MAP7: variants seen among roughly 807,000 people sequenced by gnomAD.
The protein encoded by MAP7 is ensconsin.
A neutral mutation model predicts 94.8 loss-of-function variants in MAP7; 52 were observed. The ratio of observed to expected loss-of-function variants is 0.55; its 90% CI spans 0.44 to 0.69. The LOEUF is 0.69. Ranked by LOEUF, MAP7 falls within the 30% of genes least tolerant of loss-of-function variation. The pLI is 0.00. For missense variants in MAP7, 940 were observed against 964.6 expected (o/e 0.97, Z 0.34); for synonymous variants, 350 against 357.0 (o/e 0.98, Z 0.22).
intron 1 of MAP7, among the ~76,000 whole-genome samples, chr6:136,457,470 G>A (rs185047843): frequency 1.8e-4 from 27 of 152,152 alleles, no homozygotes; most frequent in Non-Finnish European, 1.6e-4. Flanking sequence ...CTCAAATTAC[G>A]AAGCGGTGTT....
At chr6:136,516,264 G>T (rs1468220816) in intron 1 of MAP7, among the ~76,000 whole-genome samples, 1 of 151,972 alleles carries the variant, frequency 6.6e-6, no homozygotes, top group Non-Finnish European at 1.5e-5. Context: ...TGGGCTCAGG[G>T]GATTCTCCCA....
intron 1 of MAP7, among the ~76,000 whole-genome samples, chr6:136,437,434 T>C (rs1796671810): frequency 6.6e-6 from 1 of 152,192 alleles, no homozygotes; most frequent in East Asian, 1.9e-4. Context: ...TGCATAATTC[T>C]TTCCCTAGGG....
At chr6:136,503,682 T>C (rs534110383) in intron 1 of MAP7, among the ~76,000 whole-genome samples, 57 of 152,378 alleles carry the variant, frequency 3.7e-4, no homozygotes, top group Non-Finnish European at 6.0e-4. Context: ...ATGTTTAATT[T>C]TGCTAATTAA....
At chr6:136,511,516 GTAT>G (rs1157272381) in intron 1 of MAP7, among the ~76,000 whole-genome samples, 2 of 152,122 alleles carry the variant, frequency 1.3e-5, no homozygotes, top group Non-Finnish European at 2.9e-5. Context: ...TGCAGAGATA[GTAT>G]TATAAAAGAG....
chr6:136,473,256 C>A lies in MAP7; in HGVS notation c.68-51457G>T, dbSNP rs574976735. Among the ~76,000 whole-genome samples the A allele has an allele frequency of 5.9e-5, 9 of 152,296 alleles. No homozygotes were observed. In the East Asian group the frequency reaches 1.5e-3, roughly 26 times the overall value. On this transcript the variant is annotated intron_variant, in intron 1 of 17. Transcript: ENST00000354570. ...TTAACCTTCTCTAACAGCATTACTG[C>A]AGGAGGAGAGGGTTATCAGACTCAT... is the stretch of plus-strand genomic sequence containing the variant.
intron 2 of MAP7, among the ~76,000 whole-genome samples, chr6:136,415,085 G>C (rs1281120537): frequency 6.6e-6 from 1 of 151,982 alleles, no homozygotes; most frequent in African/African-American, 2.4e-5. Flanking sequence ...CATTACAAGC[G>C]TGAGCCACCA....
Position 136,363,481 on chromosome 6 carries a change from C to T in MAP7, c.1274-779G>A, listed in dbSNP as rs531994839. Among the ~76,000 whole-genome samples, 32 of 152,362 alleles carry T rather than the reference C, an allele frequency of 2.1e-4. No homozygotes were observed. The East Asian group carries it at 2.5e-3, about 12-fold the overall frequency. On this transcript the variant is annotated intron_variant, in intron 10 of 17. Coordinates refer to ENST00000354570, the MANE Select transcript of MAP7 (RefSeq NM_003980.6). ...TACTTCTGCTTCCACAGACTTTTCT[C>T]GGCCATCATGATGCTCTAGCCCTTC...
intron 16 of MAP7, among the ~76,000 whole-genome samples, chr6:136,351,236 TAAA>T (rs534706295): frequency 7.2e-4 from 86 of 120,236 alleles, no homozygotes; most frequent in African/African-American, 2.6e-3. Context: ...GTTTTGATGG[TAAA>T]AAAAAAAAAA....
At position 136,342,798 on chromosome 6, in the gene MAP7, T is replaced by G. The variant is rs1786810172; in HGVS notation, c.*1430A>C. On this transcript the variant is annotated 3_prime_UTR_variant, in exon 18 of 18. Transcript: ENST00000354570. ...TGTTGATTTAAACAAATTAAACAAG[T>G]TTGTTGAACAGATTTCTTTTCTAAT... 1 of 152,210 alleles carries G rather than the reference T, an allele frequency of 6.6e-6. No homozygotes were observed. Among genetic ancestry groups the G allele is most frequent in the South Asian group, 2.1e-4 (1 of 4,826 alleles). 9.4% of individuals were successfully genotyped at this position (152,210 alleles called of 1,614,324 possible).
At chr6:136,376,895 C>G (rs566567700) in intron 7 of MAP7, among the ~76,000 whole-genome samples, 1 of 152,220 alleles carries the variant, frequency 6.6e-6, no homozygotes. Flanking sequence ...CATGGAGAGG[C>G]TTGCAAGGGC....
rs1803062275 is a variant in MAP7 at position 136,456,767 on chromosome 6, G to GAAGAAGAAGAAGAA, written c.68-34969_68-34968insTTCTTCTTCTTCTT. 2.0e-3 allele frequency among the ~76,000 whole-genome samples: 124 copies of GAAGAAGAAGAAGAA among 60,588 alleles called. 5 individuals carry two copies. The highest frequency in any genetic ancestry group is 8.1e-3 in the African/African-American group (112 of 13,756). The allele number at this position is 60,588 out of a possible 152,430, so 39.7% of individuals were successfully genotyped here. A position where few individuals can be genotyped will look rare whatever the true frequency, so the allele number is the denominator to read the frequency against. On this transcript the variant is annotated intron_variant, in intron 1 of 17. Transcript: ENST00000354570. ...AGAAGGAGGAGGAGGAGGAGGAGGA[G>GAAGAAGAAGAAGAA]GAAGAAGAAGAAGAAGAAGAAGAAG... is the stretch of plus-strand genomic sequence containing the variant.
At chr6:136,394,490 T>G (rs968948388) in intron 3 of MAP7, among the ~76,000 whole-genome samples, 1 of 152,188 alleles carries the variant, frequency 6.6e-6, no homozygotes, top group African/African-American at 2.4e-5. Flanking sequence ...ATATGATATT[T>G]TGATATATGC....
Position 136,367,276 on chromosome 6 carries a change from T to C in MAP7, c.877-837A>G, listed in dbSNP as rs376839514. ...ATTGTACAGAGCAAAACAGACCCAT[T>C]CCAAGTATCTGAAACCTGACAATGC... On this transcript the variant is annotated intron_variant, in intron 8 of 17. Transcript: ENST00000354570. 1.0e-3 allele frequency among the ~76,000 whole-genome samples: 152 copies of C among 152,100 alleles called. 1 individual carries two copies. Among genetic ancestry groups the C allele is most frequent in the African/African-American group, 3.5e-3 (146 of 41,418 alleles).
intron 1 of MAP7, among the ~76,000 whole-genome samples, chr6:136,423,991 T>A (rs1228176717): frequency 3.3e-5 from 5 of 151,510 alleles, no homozygotes; most frequent in Admixed American, 6.6e-5. Context: ...AGAGACGGGG[T>A]TTCTCCATAT....
In MAP7 at chr6:136,389,363, C is replaced by T. The variant is rs375368305; in HGVS notation, c.399G>A (p.Glu133=). The change falls in exon 4 of 18, where the codon GAG becomes GAA. Residue 133 remains glutamate (E), a synonymous_variant. Coordinates refer to ENST00000354570, the MANE Select transcript of MAP7 (RefSeq NM_003980.6). ...CCGGGGGGCGGCTCACTTTGTCCTCCTCAAGTCTCTGCCTCCGCTTCTCCT... is the reference window on the plus strand; with the variant it reads ...CCGGGGGGCGGCTCACTTTGTCCTCTTCAAGTCTCTGCCTCCGCTTCTCCT... ...AVEEKRRQRL[E]EDKERHEAVV... The T allele has an allele frequency of 2.5e-4, 389 of 1,544,730 alleles. No homozygotes were observed. Among genetic ancestry groups the T allele is most frequent in the Admixed American group, 3.7e-4 (17 of 46,528 alleles).
At chr6:136,526,633 C>T in intron 1 of MAP7, 1 of 985,570 alleles carries the variant, frequency 1.0e-6, no homozygotes, top group Non-Finnish European at 1.2e-6. Flanking sequence ...GCAGCTCCCT[C>T]TTCCTCTCAG....
chr6:136,503,855 A>T (rs915768389), intron 1 of MAP7, among the ~76,000 whole-genome samples: 2 of 152,364 alleles, frequency 1.3e-5, no homozygotes, highest in Admixed American at 1.3e-4. Flanking sequence ...AATGCACAGC[A>T]CATACCACTT....
intron 1 of MAP7, among the ~76,000 whole-genome samples, chr6:136,527,792 A>C (rs1828118897): frequency 6.6e-6 from 1 of 152,208 alleles, no homozygotes; most frequent in Non-Finnish European, 1.5e-5. Flanking sequence ...CTTATTGTCC[A>C]GCATGGTGCT....
chr6:136,447,830 C>A (rs776020332), intron 1 of MAP7, among the ~76,000 whole-genome samples: 4 of 152,174 alleles, frequency 2.6e-5, no homozygotes, highest in Non-Finnish European at 5.9e-5. Flanking sequence ...AAAATACTCT[C>A]TTTTCCCAAA....
Sources: allele counts gnomAD v4.1 joint callset (sites outside exome capture counted in the v4.1 genomes callset), GRCh38; gene constraint gnomAD v4.1.1; transcripts MANE v1.5; gene names NCBI Gene and HGNC (gene_info 2026-07-23, HGNC 2026-07-21).